The following ARNT2 variants were observed in gnomAD, a reference collection of about 807,000 sequenced individuals.
ARNT2 encodes aryl hydrocarbon receptor nuclear translocator 2.
Under a neutral mutation model 91.7 loss-of-function variants are expected in ARNT2, and 36 were observed. That is an observed-to-expected ratio of 0.39 (90% confidence interval 0.30 to 0.52). ARNT2 has a LOEUF of 0.52. Ranked by LOEUF, ARNT2 falls within the 20% of genes least tolerant of loss-of-function variation. The pLI is 0.72. For synonymous variants in ARNT2, 365 were observed against 347.1 expected (o/e 1.05, Z -0.57); for missense variants, 775 against 939.3 (o/e 0.83, Z 2.29).
At chr15:80,540,717 A>G (rs954272123) in intron 8 of ARNT2, among the ~76,000 whole-genome samples, 7 of 152,060 alleles carry the variant, frequency 4.6e-5, no homozygotes, top group African/African-American at 1.7e-4. Context: ...CCCAATGTTT[A>G]GTTCCCACTT....
intron 8 of ARNT2, among the ~76,000 whole-genome samples, chr15:80,527,526 T>TGGACAA (rs367744784): frequency 1.9e-3 from 295 of 152,336 alleles, no homozygotes; most frequent in African/African-American, 6.9e-3. Context: ...GGAAATAGTG[T>TGGACAA]GGACAAGGAC....
At chr15:80,502,843 A>G (rs1897219590) in intron 5 of ARNT2, among the ~76,000 whole-genome samples, 1 of 152,116 alleles carries the variant, frequency 6.6e-6, no homozygotes, top group African/African-American at 2.4e-5. Flanking sequence ...TCAAGGGTGA[A>G]GAGTACACAT....
chr15:80,586,956 T>G (rs1285796540), intron 17 of ARNT2, among the ~76,000 whole-genome samples: 4 of 152,160 alleles, frequency 2.6e-5, no homozygotes, highest in African/African-American at 7.2e-5. Flanking sequence ...CCAGTAGGAT[T>G]TTGCTGATCT....
intron 3 of ARNT2, among the ~76,000 whole-genome samples, chr15:80,468,677 T>C (rs1370783050): frequency 6.6e-6 from 1 of 152,220 alleles, no homozygotes; most frequent in Non-Finnish European, 1.5e-5. Flanking sequence ...TTTTTGCTTT[T>C]CACCTGCCTT....
chr15:80,496,804 C>A (rs546186150), intron 5 of ARNT2, among the ~76,000 whole-genome samples: 5 of 152,280 alleles, frequency 3.3e-5, no homozygotes, highest in Middle Eastern at 3.4e-3. Flanking sequence ...AGTTCTAAAT[C>A]CTCAAGGATT....
intron 12 of ARNT2, among the ~76,000 whole-genome samples, chr15:80,565,620 C>T (rs555962206): frequency 2.0e-5 from 3 of 151,000 alleles, no homozygotes; most frequent in Non-Finnish European, 4.4e-5. Flanking sequence ...TTGCATTTCT[C>T]TGGTGGTTAG....
At chr15:80,501,359 G>A (rs1179454404) in intron 5 of ARNT2, among the ~76,000 whole-genome samples, 2 of 152,184 alleles carry the variant, frequency 1.3e-5, no homozygotes, top group Non-Finnish European at 2.9e-5. Flanking sequence ...TGAGGCCTCA[G>A]CTAATTAAAA....
intron 8 of ARNT2, among the ~76,000 whole-genome samples, chr15:80,535,477 A>T (rs1897805939): frequency 6.6e-6 from 1 of 152,112 alleles, no homozygotes; most frequent in South Asian, 2.1e-4. Context: ...ACATATTTTA[A>T]ATTAGATTTT....
chr15:80,459,154 C>A (rs888531575), intron 3 of ARNT2, among the ~76,000 whole-genome samples: 1 of 152,228 alleles, frequency 6.6e-6, no homozygotes, highest in South Asian at 2.1e-4. Context: ...ATGCCATACA[C>A]TTTCGTCCCC....
chr15:80,588,892 CCATG>C (rs890711991), intron 17 of ARNT2, among the ~76,000 whole-genome samples: 1 of 152,194 alleles, frequency 6.6e-6, no homozygotes, highest in Non-Finnish European at 1.5e-5. Context: ...CCTTTCCCAA[CCATG>C]CTATATGCTT....
intron 1 of ARNT2, among the ~76,000 whole-genome samples, chr15:80,445,845 G>A (rs553974701): frequency 4.8e-4 from 73 of 152,150 alleles, no homozygotes; most frequent in African/African-American, 1.5e-3. Flanking sequence ...GTGGGGGATC[G>A]TGTTACGAGT....
intron 7 of ARNT2, 56 bp downstream of exon 7, chr15:80,514,032 C>A: frequency 1.3e-6 from 2 of 1,511,394 alleles, no homozygotes; most frequent in Non-Finnish European, 9.2e-7. Context: ...AGTCTAAACA[C>A]CCTAAGCTAA....
chr15:80,404,484 T>C lies in ARNT2; in HGVS notation c.-32T>C. Reference sequence around the variant, plus strand: ...CTCCGCGCCGCCCCTCCCGCGCCCCTGCCAAGCGGGCGCCTATCCTCTCCG... The same window carrying C: ...CTCCGCGCCGCCCCTCCCGCGCCCCCGCCAAGCGGGCGCCTATCCTCTCCG... On this transcript the variant is annotated 5_prime_UTR_variant, in exon 1 of 19. Coordinates refer to ENST00000303329, the MANE Select transcript of ARNT2 (RefSeq NM_014862.4). The surrounding 1 kb of genome is among the most constrained non-coding windows in gnomAD (Gnocchi z 5.5). 1.6e-6 allele frequency: 2 copies of C among 1,223,186 alleles called. No homozygotes were observed. The highest frequency in any genetic ancestry group is 1.6e-5 in the South Asian group (1 of 61,876). The allele number at this position is 1,223,186 out of a possible 1,614,324, so 75.8% of individuals were successfully genotyped here.
chr15:80,470,359 C>T lies in ARNT2; in HGVS notation c.336C>T (p.His112=), dbSNP rs1432904792. The change falls in exon 4 of 19, where the codon CAC becomes CAT. Residue 112 remains histidine, a synonymous_variant. Transcript: ENST00000303329. ...KLTILRMAVS[H]MKSMRGTGNK... ...CCATCCTCCGCATGGCCGTCTCGCA[C>T]ATGAAGTCCATGAGGGGTACAGGGA... is the stretch of plus-strand genomic sequence containing the variant. The T allele has an allele frequency of 4.3e-6, 7 of 1,614,068 alleles. No individual in the cohort carries two copies. The African/African-American group carries it at 8.0e-5, about 18-fold the overall frequency.
intron 1 of ARNT2, chr15:80,443,017 G>A (rs1896218366): frequency 1.1e-5 from 11 of 985,408 alleles, no homozygotes; most frequent in Non-Finnish European, 1.3e-5. Context: ...ATTCCCAGGA[G>A]AAGTCCAGGT....
chr15:80,576,772 C>A, intron 14 of ARNT2, 94 bp from the exon 15 acceptor site: 1 of 1,353,862 alleles, frequency 7.4e-7, no homozygotes, highest in Non-Finnish European at 1.0e-6. Flanking sequence ...CTCCCGTTCC[C>A]ACGCCCACCC....
At chr15:80,411,433 C>T (rs1467570221) in intron 1 of ARNT2, among the ~76,000 whole-genome samples, 1 of 152,096 alleles carries the variant, frequency 6.6e-6, no homozygotes, top group Non-Finnish European at 1.5e-5. Context: ...TCAATGACTC[C>T]CTTGAAGGAA....
chr15:80,493,913 G>C (rs2141413602), intron 5 of ARNT2, among the ~76,000 whole-genome samples: 1 of 152,218 alleles, frequency 6.6e-6, no homozygotes, highest in African/African-American at 2.4e-5. Flanking sequence ...CCTGAGAGCT[G>C]TTTGTTTAAA....
At chr15:80,541,023 G>C (rs767092207) in intron 8 of ARNT2, among the ~76,000 whole-genome samples, 2 of 152,098 alleles carry the variant, frequency 1.3e-5, no homozygotes, top group Non-Finnish European at 2.9e-5. Context: ...GGGATTGCTG[G>C]GTCAAACGGT....
Sources: gnomAD v4.1 joint callset for allele counts (sites outside exome capture counted in the v4.1 genomes callset) on GRCh38, gnomAD v4.1.1 for gene constraint, Gnocchi (gnomAD v3.1) non-coding constraint, MANE v1.5 for transcripts, NCBI Gene and HGNC (gene_info 2026-07-23, HGNC 2026-07-21) for gene names.